Variants in GAMT observed in about 807,000 individuals in gnomAD.
The protein encoded by GAMT is epididymis secretory protein Li 20.
A neutral mutation model predicts 26.9 loss-of-function variants in GAMT; 26 were observed. That is an observed-to-expected ratio of 0.97 (90% CI 0.71 to 1.34). The LOEUF is 1.34. Ranked by LOEUF, GAMT falls within the 40% of genes most tolerant of loss-of-function variation. The probability of loss-of-function intolerance (pLI) is 0.00; values close to 1 mark genes in which losing one functional copy is unlikely to be tolerated. For synonymous variants in GAMT, 169 were observed against 149.6 expected, an observed-to-expected ratio of 1.13 and a Z score of -0.95; for missense variants, 412 against 345.0, an observed-to-expected ratio of 1.19 and a Z score of -1.54.
Position 1,399,362 on chromosome 19 carries a change from C to T in GAMT, c.391+162G>A, listed in dbSNP as rs1222034755. Reference sequence around the variant, plus strand: ...CCCGAGATCGCCTCCAGGGCCCCTCCGTGAGCATGCCCATCCCCGGTGCTC... The same window carrying T: ...CCCGAGATCGCCTCCAGGGCCCCTCTGTGAGCATGCCCATCCCCGGTGCTC... On this transcript the variant is annotated intron_variant, in intron 3 of 5. Transcript: ENST00000252288. The surrounding 1 kb of genome is among the most constrained non-coding windows in gnomAD (Gnocchi z 6.2). Among the ~76,000 whole-genome samples, 2 of 152,286 alleles carry T rather than the reference C, an allele frequency of 1.3e-5. No homozygotes were observed. The highest frequency in any genetic ancestry group is 1.9e-4 in the East Asian group (1 of 5,182).
In GAMT at chr19:1,399,919, C is replaced by T. The variant is rs745986528; in HGVS notation, c.201G>A (p.Val67=). ...ASSKGGRVLE[V]GFGMAIAASK... is the part of the protein sequence containing the mutation. ...ACGCTGCGATGGCCATGCCAAAGCC[C>T]ACCTCCAGGACCCGGCCCCCTGGGC... Residue 67 remains valine, a synonymous_variant, in exon 2 of 6, where the codon GTG becomes GTA. Coordinates refer to ENST00000252288, the MANE Select transcript of GAMT (RefSeq NM_000156.6). This position sits in a 1 kb window ranked among gnomAD's most constrained non-coding sequence, Gnocchi z 6.2. The T allele has an allele frequency of 9.3e-6, 15 of 1,608,236 alleles. No individual in the cohort carries two copies. In the East Asian group the frequency reaches 3.1e-4, roughly 34 times the overall value.
At chr19:1,400,889 G>A (rs1262943183) in intron 1 of GAMT, among the ~76,000 whole-genome samples, 1 of 152,212 alleles carries the variant, frequency 6.6e-6, no homozygotes, top group East Asian at 1.9e-4. Context: ...CTTTCCGAGT[G>A]CTATTCTTAG....
Position 1,397,082 on chromosome 19 carries a change from C to G in GAMT, c.*277G>C. 1 of 470,174 alleles carries G rather than the reference C, an allele frequency of 2.1e-6. No homozygotes were observed. Among genetic ancestry groups the G allele is most frequent in the African/African-American group, 1.9e-5 (1 of 51,412 alleles). The allele number at this position is 470,174 out of a possible 1,614,324, so 29.1% of individuals were successfully genotyped here. On this transcript the variant is annotated 3_prime_UTR_variant, in exon 6 of 6. Transcript: ENST00000252288. The stretch of plus-strand genomic sequence containing the variant: ...GGGAGCAGCCGCTGGAAGTAACAGT[C>G]GCACGCTCACTGCCGACTGGCCAAG...
At chr19:1,398,419 A>T in intron 5 of GAMT, 4 of 337,518 alleles carry the variant, frequency 1.2e-5, no homozygotes, top group Admixed American at 4.5e-5. Context: ...TTTTTTTTAA[A>T]TTTTCTTTCT....
At position 1,398,959 on chromosome 19, in the gene GAMT, T is replaced by G. The variant is rs796052526; in HGVS notation, c.527A>C (p.Glu176Ala). ...LTYCNLTSWGELMKSKYSDIT... is the reference protein window; with the variant it reads ...LTYCNLTSWGALMKSKYSDIT... ...GTCTGAGTACTTGGACTTCATCAGC[T>G]CCCCCCAGGAGGTGAGGTTGCAGTA... Residue 176 changes from glutamate to alanine, a missense_variant, in exon 5 of 6, where the codon GAG becomes GCG. Transcript: ENST00000252288. 6.2e-7 allele frequency: 1 copy of G among 1,612,782 alleles called. No homozygotes were observed. Among genetic ancestry groups the G allele is most frequent in the Admixed American group, 1.7e-5 (1 of 59,962 alleles).
rs373600604 is a variant in GAMT at position 1,399,218 on chromosome 19, C to G, written c.392-23G>C. Reference sequence around the variant, plus strand: ...TCCCTGCACGGAGAACAGAAGCCCACGCGGTCAGGGCCGGGCTCAGCGCCT... The same window carrying G: ...TCCCTGCACGGAGAACAGAAGCCCAGGCGGTCAGGGCCGGGCTCAGCGCCT... On this transcript the variant is annotated intron_variant, in intron 3 of 5. Transcript: ENST00000252288. This position sits in a 1 kb window ranked among gnomAD's most constrained non-coding sequence, Gnocchi z 6.2. 1 of 1,612,838 alleles carries G rather than the reference C, an allele frequency of 6.2e-7. No individual in the cohort carries two copies. The highest frequency in any genetic ancestry group is 2.2e-5 in the East Asian group (1 of 44,878).
At chr19:1,398,634 A>T in intron 5 of GAMT, 1 of 927,298 alleles carries the variant, frequency 1.1e-6, no homozygotes, top group Non-Finnish European at 1.6e-6. Context: ...AGGAAAGATG[A>T]GGTCTTGCTC....
At position 1,401,432 on chromosome 19, in the gene GAMT, G is replaced by T; in HGVS notation, c.45C>A (p.Asn15Lys). 1 of 1,420,774 alleles carries T rather than the reference G, an allele frequency of 7.0e-7. No homozygotes were observed. The highest frequency in any genetic ancestry group is 1.4e-5 in the South Asian group (1 of 69,584). The allele number at this position is 1,420,774 out of a possible 1,614,324, so 88.0% of individuals were successfully genotyped here. Residue 15 changes from asparagine (N) to lysine (K), a missense_variant, in exon 1 of 6, where the codon AAC becomes AAA. By Grantham distance (94) the Asn-to-Lys change is moderately conservative. Transcript: ENST00000252288. Reference sequence around the variant, plus strand: ...GCGCCGCCCCCCACGCGGGGCTGCAGTTCTCGCCGGGCGCGAAGATGGGGG... The same window carrying T: ...GCGCCGCCCCCCACGCGGGGCTGCATTTCTCGCCGGGCGCGAAGATGGGGG... ...SATPIFAPGENCSPAWGAAPA... is the reference protein window; with the variant it reads ...SATPIFAPGEKCSPAWGAAPA...
Position 1,398,935 on chromosome 19 carries a change from T to C in GAMT, c.551A>G (p.Asp184Gly), listed in dbSNP as rs1569005073. Residue 184 changes from aspartate to glycine, a missense_variant, in exon 5 of 6, where the codon GAC (aspartate) becomes GGC (glycine). By Grantham distance (94) the Asp-to-Gly change is moderately conservative (BLOSUM62 -1). Coordinates refer to ENST00000252288, the MANE Select transcript of GAMT (RefSeq NM_000156.6). ...WGELMKSKYS[D>G]ITIMFEETQV... ...GCGCACCTCAAACATGATGGTGATG[T>C]CTGAGTACTTGGACTTCATCAGCTC... The C allele has an allele frequency of 1.2e-6, 2 of 1,613,270 alleles. No homozygotes were observed. The highest frequency in any genetic ancestry group is 1.7e-6 in the Non-Finnish European group (2 of 1,180,028).
chr19:1,401,092 G>C (rs1181789449), intron 1 of GAMT, among the ~76,000 whole-genome samples: 5 of 152,236 alleles, frequency 3.3e-5, no homozygotes, highest in Non-Finnish European at 5.9e-5. Flanking sequence ...CTGGTACTTA[G>C]GCGGTGCCTA....
intron 5 of GAMT, 30 bp from the exon 6 acceptor site, chr19:1,397,529 G>A (rs376660702): frequency 6.0e-4 from 953 of 1,599,368 alleles, no homozygotes; most frequent in Non-Finnish European, 7.6e-4. Context: ...GGTCACCTCT[G>A]AGGGCCATGG....
At chr19:1,400,696 G>GC (rs766942438) in intron 1 of GAMT, among the ~76,000 whole-genome samples, 4 of 152,176 alleles carry the variant, frequency 2.6e-5, no homozygotes, top group Non-Finnish European at 5.9e-5. Context: ...CCACACATGG[G>GC]CCCCCCGCTC....
In GAMT at chr19:1,399,121, G is replaced by A; in HGVS notation, c.459+7C>T. ...CTCCCGCATCCCAGCAAGTCAGAGA[G>A]AACCACCTTGATGAAGTTGAACTGG... is the stretch of plus-strand genomic sequence containing the variant. On this transcript the variant is annotated splice_region_variant and intron_variant, in intron 4 of 5. Coordinates refer to ENST00000252288, the MANE Select transcript of GAMT (RefSeq NM_000156.6). This position sits in a 1 kb window ranked among gnomAD's most constrained non-coding sequence, Gnocchi z 6.2. 6.2e-7 allele frequency: 1 copy of A among 1,613,748 alleles called. No homozygotes were observed. Among genetic ancestry groups the A allele is most frequent in the Non-Finnish European group, 8.5e-7 (1 of 1,180,004 alleles).
At chr19:1,398,165 T>C (rs1164995000) in intron 5 of GAMT, 5 of 844,606 alleles carry the variant, frequency 5.9e-6, no homozygotes, top group Non-Finnish European at 7.1e-6. Context: ...CGGTGCAATC[T>C]CGGCTCACAG....
At chr19:1,398,084 T>C in intron 5 of GAMT, 4 of 994,528 alleles carry the variant, frequency 4.0e-6, no homozygotes, top group Non-Finnish European at 4.8e-6. Flanking sequence ...GTGAGGGACT[T>C]TGATTTCCAT....
At chr19:1,400,596 C>T (rs1025532091) in intron 1 of GAMT, among the ~76,000 whole-genome samples, 1 of 152,190 alleles carries the variant, frequency 6.6e-6, no homozygotes, top group African/African-American at 2.4e-5. Context: ...CTCTCCCCCT[C>T]CCTCTATCCG....
At chr19:1,398,884 G>A (rs768702419) in intron 5 of GAMT, 32 bp downstream of exon 5, 9 of 1,612,128 alleles carry the variant, frequency 5.6e-6, no homozygotes, top group South Asian at 5.5e-5. Context: ...GTCACTTCCT[G>A]GAGACCCATG....
At chr19:1,398,441 TTTC>T (rs2082613256) in intron 5 of GAMT, 1 of 399,708 alleles carries the variant, frequency 2.5e-6, no homozygotes, top group East Asian at 3.8e-5. Flanking sequence ...TCTTTCTTTC[TTTC>T]TTTTTTCTTG....
rs2144637679 is a variant in GAMT, at chr19:1,399,611, A to G, written c.328-24T>C. 6.2e-7 allele frequency: 1 copy of G among 1,607,834 alleles called. No individual in the cohort carries two copies. Among genetic ancestry groups the G allele is most frequent in the Non-Finnish European group, 8.5e-7 (1 of 1,177,082 alleles). On this transcript the variant is annotated intron_variant, in intron 2 of 5. Coordinates refer to ENST00000252288, the MANE Select transcript of GAMT (RefSeq NM_000156.6). The surrounding 1 kb of genome is among the most constrained non-coding windows in gnomAD (Gnocchi z 6.2). ...ACCTTGCAGAGGGGAAAAGAAAAAGAGAGGACAGGGTAGAGAGGTCCCCAG... is the reference window on the plus strand; with the variant it reads ...ACCTTGCAGAGGGGAAAAGAAAAAGGGAGGACAGGGTAGAGAGGTCCCCAG...
Sources: allele counts gnomAD v4.1 joint callset (sites outside exome capture counted in the v4.1 genomes callset), GRCh38; gene constraint gnomAD v4.1.1; non-coding constraint Gnocchi (gnomAD v3.1); transcripts MANE v1.5; gene names NCBI Gene and HGNC (gene_info 2026-07-23, HGNC 2026-07-21).